Variants in ZFAT observed in about 807,000 individuals in gnomAD.
ZFAT encodes zinc finger protein ZFAT.
In ZFAT, 64 loss-of-function variants were observed where a neutral mutation model predicts 117.7. That is an observed-to-expected ratio of 0.54 (90% confidence interval 0.44 to 0.67). The LOEUF is 0.67. Ranked by LOEUF, ZFAT falls within the 30% of genes least tolerant of loss-of-function variation. The pLI is 0.00. For missense variants in ZFAT, 1,433 were observed against 1,584.5 expected, an observed-to-expected ratio of 0.90 and a Z score of 1.62; for synonymous variants, 679 against 615.0, an observed-to-expected ratio of 1.10 and a Z score of -1.54.
chr8:134,698,830 T>C (rs927026560), intron 1 of ZFAT, among the ~76,000 whole-genome samples: 4 of 152,164 alleles, frequency 2.6e-5, no homozygotes, highest in African/African-American at 9.7e-5. Context: ...TAGCCATCAG[T>C]TCCCATCACC....
intron 1 of ZFAT, among the ~76,000 whole-genome samples, chr8:134,663,697 C>T (rs1563741607): frequency 2.0e-5 from 3 of 152,144 alleles, no homozygotes; most frequent in Non-Finnish European, 4.4e-5. Context: ...GAGATCGTGC[C>T]ACTGTACTCT....
At chr8:134,731,194 A>T in the ZFAT span, among the ~76,000 whole-genome samples, 1 of 152,322 alleles carries the variant, frequency 6.6e-6, no homozygotes, top group East Asian at 1.9e-4. Flanking sequence ...AGTTTTTAAT[A>T]AGGTTAAACT....
intron 11 of ZFAT, among the ~76,000 whole-genome samples, chr8:134,545,318 C>T (rs913234365): frequency 6.6e-6 from 1 of 152,106 alleles, no homozygotes; most frequent in Non-Finnish European, 1.5e-5. Context: ...CCGAGACCAG[C>T]CTGGGCAACA....
the ZFAT span, among the ~76,000 whole-genome samples, chr8:134,801,594 C>G: frequency 6.6e-6 from 1 of 152,150 alleles, no homozygotes; most frequent in Non-Finnish European, 1.5e-5. Context: ...CCCCGCCACC[C>G]CACTCTACAA....
At chr8:134,697,298 G>A (rs9772652) in intron 1 of ZFAT, among the ~76,000 whole-genome samples, 4,504 of 151,820 alleles carry the variant, frequency 0.03, 222 homozygotes, top group African/African-American at 0.1. Flanking sequence ...ATTTTTAGTA[G>A]AGACAGGGTT....
At chr8:134,774,987 G>A in the ZFAT span, among the ~76,000 whole-genome samples, 182 of 152,264 alleles carry the variant, frequency 1.2e-3, no homozygotes, top group Non-Finnish European at 2.1e-3. Context: ...CCGTGGTGGC[G>A]TATGCCTGTA....
rs569127661 is a variant in ZFAT, at chr8:134,478,822, G to A, written c.3493-101C>T. 2.8e-5 allele frequency: 41 copies of A among 1,460,620 alleles called. No individual in the cohort carries two copies. Among genetic ancestry groups the A allele is most frequent in the Middle Eastern group, 3.5e-4 (2 of 5,682 alleles). The allele number at this position is 1,460,620 out of a possible 1,614,324, so 90.5% of individuals were successfully genotyped here. A position where few individuals can be genotyped will look rare whatever the true frequency, so the allele number is the denominator to read the frequency against. On this transcript the variant is annotated intron_variant, in intron 15 of 15. Coordinates refer to ENST00000377838, the MANE Select transcript of ZFAT (RefSeq NM_020863.4). The surrounding 1 kb of genome is among the most constrained non-coding windows in gnomAD (Gnocchi z 5.2). ...AGTTTAGGAGGCACCAGTGCGCTGC[G>A]GGAGCACGTCCATTCTCCACGGATC...
At chr8:134,812,545 G>T in the ZFAT span, among the ~76,000 whole-genome samples, 1 of 152,186 alleles carries the variant, frequency 6.6e-6, no homozygotes. Flanking sequence ...AGCCTGCCTG[G>T]CCAACATGGT....
rs1267605048 is a variant in ZFAT, at chr8:134,508,479, A to G, written c.3492+1140T>C. Among the ~76,000 whole-genome samples, 3 of 152,346 alleles carry G rather than the reference A, an allele frequency of 2.0e-5. No individual in the cohort carries two copies. In the East Asian group the frequency reaches 5.8e-4, roughly 29 times the overall value. On this transcript the variant is annotated intron_variant, in intron 15 of 15. Coordinates refer to ENST00000377838, the MANE Select transcript of ZFAT (RefSeq NM_020863.4). ...TGTTACACAATTCAGTAACAAATTT[A>G]GTCAATTTCAGACAACTCTAGTAAT...
intron 14 of ZFAT, chr8:134,509,974 T>C (rs1563790413): frequency 1.8e-6 from 1 of 570,776 alleles, no homozygotes; most frequent in South Asian, 1.6e-5. Flanking sequence ...CCTGTGAGGA[T>C]GGGACATTGA....
At position 134,533,910 on chromosome 8, in the gene ZFAT, C is replaced by A. The variant is rs142201049; in HGVS notation, c.2977-938G>T. 5.9e-3 allele frequency among the ~76,000 whole-genome samples: 892 copies of A among 152,304 alleles called. 13 individuals are homozygous for A. The highest frequency in any genetic ancestry group is 0.02 in the African/African-American group (839 of 41,562). On this transcript the variant is annotated intron_variant, in intron 11 of 15. Transcript: ENST00000377838. ...GCCACAGCCCCTGGTCAGGAGCTGCCAGCATGCCCCTGTAATCCACATGCT... is the reference window on the plus strand; with the variant it reads ...GCCACAGCCCCTGGTCAGGAGCTGCAAGCATGCCCCTGTAATCCACATGCT...
chr8:134,700,457 C>A (rs1189355782), intron 1 of ZFAT, among the ~76,000 whole-genome samples: 1 of 152,188 alleles, frequency 6.6e-6, no homozygotes, highest in Non-Finnish European at 1.5e-5. Context: ...AAGCCAGAGG[C>A]TACTGGATGG....
chr8:134,563,797 A>G (rs1824224200), intron 11 of ZFAT, among the ~76,000 whole-genome samples: 1 of 152,208 alleles, frequency 6.6e-6, no homozygotes, highest in Non-Finnish European at 1.5e-5. Flanking sequence ...GTGCTGGTGT[A>G]GGGTCGCCCA....
chr8:134,740,023 C>CA, the ZFAT span, among the ~76,000 whole-genome samples: 1 of 152,214 alleles, frequency 6.6e-6, no homozygotes, highest in Non-Finnish European at 1.5e-5. Context: ...AGAATCCCCC[C>CA]AGCAGAACCA....
At chr8:134,750,112 T>C in the ZFAT span, among the ~76,000 whole-genome samples, 155 of 152,340 alleles carry the variant, frequency 1.0e-3, 3 homozygotes, top group South Asian at 0.024. Flanking sequence ...TTCTATTCCA[T>C]GAACATGGTA....
At chr8:134,816,116 C>A in the ZFAT span, among the ~76,000 whole-genome samples, 3 of 152,170 alleles carry the variant, frequency 2.0e-5, no homozygotes, top group Admixed American at 6.5e-5. Flanking sequence ...CTAGTCCAGG[C>A]TCTTTACACA....
intron 1 of ZFAT, among the ~76,000 whole-genome samples, chr8:134,666,772 A>G (rs1455430903): frequency 6.6e-6 from 1 of 152,204 alleles, no homozygotes; most frequent in Non-Finnish European, 1.5e-5. Context: ...GTGGGACTGT[A>G]ACAAAAGATT....
intron 13 of ZFAT, among the ~76,000 whole-genome samples, chr8:134,519,304 G>T (rs1466455968): frequency 1.3e-5 from 2 of 152,068 alleles, no homozygotes; most frequent in Admixed American, 6.6e-5. Context: ...GTCTCTTTCA[G>T]AAGTGTTTTA....
chr8:134,541,877 A>G (rs1822284445), intron 11 of ZFAT, among the ~76,000 whole-genome samples: 1 of 152,260 alleles, frequency 6.6e-6, no homozygotes, highest in Non-Finnish European at 1.5e-5. Context: ...ATGCCAAGCA[A>G]TATGTCAGGA....
Sources: allele counts gnomAD v4.1 joint callset (sites outside exome capture counted in the v4.1 genomes callset), GRCh38; gene constraint gnomAD v4.1.1; non-coding constraint Gnocchi (gnomAD v3.1); transcripts MANE v1.5; gene names NCBI Gene and HGNC (gene_info 2026-07-23, HGNC 2026-07-21).